Variants in RFX3 observed in about 807,000 individuals in gnomAD.
RFX3 encodes regulatory factor X3.
Under a neutral mutation model 98.6 loss-of-function variants are expected in RFX3, and 14 were observed. The ratio of observed to expected loss-of-function variants is 0.14; its 90% CI spans 0.09 to 0.22. The LOEUF is 0.22. RFX3 is among the 10% of genes least tolerant of loss of function. RFX3 has a pLI of 1.00. For synonymous variants in RFX3, 383 were observed against 328.4 expected (o/e 1.17, Z -1.80); for missense variants, 639 against 926.9 (o/e 0.69, Z 4.03).
chr9:3,509,712 G>A (rs1817473784), intron 1 of RFX3, among the ~76,000 whole-genome samples: 2 of 151,826 alleles, frequency 1.3e-5, no homozygotes, highest in African/African-American at 2.4e-5. Context: ...TATAAAACTT[G>A]CTTTTTCTAG....
At chr9:3,491,416 T>C (rs1016966788) in intron 1 of RFX3, among the ~76,000 whole-genome samples, 5 of 152,194 alleles carry the variant, frequency 3.3e-5, no homozygotes, top group Non-Finnish European at 7.4e-5. Context: ...CATGAGGCCT[T>C]ATATGTTATT....
intron 3 of RFX3, among the ~76,000 whole-genome samples, chr9:3,336,869 T>C (rs540851811): frequency 6.6e-6 from 1 of 152,312 alleles, no homozygotes; most frequent in South Asian, 2.1e-4. Context: ...AGAATCATTT[T>C]TAGAAATTTT....
At chr9:3,307,043 T>C (rs1188782171) in intron 4 of RFX3, among the ~76,000 whole-genome samples, 1 of 152,076 alleles carries the variant, frequency 6.6e-6, no homozygotes, top group Non-Finnish European at 1.5e-5. Context: ...TTTCATGGTT[T>C]TAAAAACGGG....
chr9:3,510,477 A>C (rs1256952631), intron 1 of RFX3, among the ~76,000 whole-genome samples: 1 of 152,060 alleles, frequency 6.6e-6, no homozygotes, highest in African/African-American at 2.4e-5. Context: ...AAAATGGCTG[A>C]TTTTTAAATT....
chr9:3,309,861 T>C (rs558720710), intron 4 of RFX3, among the ~76,000 whole-genome samples: 1 of 152,154 alleles, frequency 6.6e-6, no homozygotes, highest in African/African-American at 2.4e-5. Context: ...TGCTCTCAGG[T>C]TTAAGTGTTC....
At chr9:3,376,175 A>G (rs761170340) in intron 2 of RFX3, among the ~76,000 whole-genome samples, 15 of 152,164 alleles carry the variant, frequency 9.9e-5, no homozygotes, top group Non-Finnish European at 1.8e-4. Flanking sequence ...AATTAAAAAT[A>G]TTGGCAATAC....
At chr9:3,264,252 G>T (rs776743155) in intron 12 of RFX3, among the ~76,000 whole-genome samples, 53 of 152,082 alleles carry the variant, frequency 3.5e-4, no homozygotes, top group Non-Finnish European at 6.2e-4. Flanking sequence ...ATGGAAATTT[G>T]TTATGTGCAC....
chr9:3,394,527 T>A (rs1840657956), intron 2 of RFX3, among the ~76,000 whole-genome samples: 1 of 152,280 alleles, frequency 6.6e-6, no homozygotes, highest in Non-Finnish European at 1.5e-5. Flanking sequence ...TAAAAGCCAA[T>A]GACTTCTGTA....
intron 1 of RFX3, among the ~76,000 whole-genome samples, chr9:3,423,746 G>C (rs992788356): frequency 5.1e-5 from 7 of 138,130 alleles, no homozygotes; most frequent in African/African-American, 1.9e-4. Context: ...TTTTTTAAAA[G>C]GGTATATTTC....
At chr9:3,401,648 G>T (rs1564052604) in intron 1 of RFX3, among the ~76,000 whole-genome samples, 1 of 152,150 alleles carries the variant, frequency 6.6e-6, no homozygotes, top group African/African-American at 2.4e-5. Flanking sequence ...ATTCTTACAG[G>T]AGAGACATGC....
At chr9:3,476,985 G>C (rs1026013968) in intron 1 of RFX3, among the ~76,000 whole-genome samples, 1 of 152,130 alleles carries the variant, frequency 6.6e-6, no homozygotes, top group African/African-American at 2.4e-5. Context: ...ACCCTAGTGA[G>C]ATATTGTAAT....
intron 15 of RFX3, among the ~76,000 whole-genome samples, chr9:3,244,846 A>G (rs1382986261): frequency 6.6e-6 from 1 of 152,224 alleles, no homozygotes. Flanking sequence ...CTTGAAATCT[A>G]AGCTCCTCGA....
At chr9:3,522,702 T>C (rs1237506889) in intron 1 of RFX3, among the ~76,000 whole-genome samples, 2 of 152,090 alleles carry the variant, frequency 1.3e-5, no homozygotes, top group Non-Finnish European at 2.9e-5. Flanking sequence ...TGCTAATTTC[T>C]TCAGCTGGAG....
intron 2 of RFX3, among the ~76,000 whole-genome samples, chr9:3,359,050 G>C (rs1424244415): frequency 6.6e-6 from 1 of 151,602 alleles, no homozygotes; most frequent in African/African-American, 2.4e-5. Context: ...ATATCATCTG[G>C]TATGCATGGT....
intron 3 of RFX3, among the ~76,000 whole-genome samples, chr9:3,334,664 C>A (rs1464569856): frequency 6.6e-6 from 1 of 152,160 alleles, no homozygotes; most frequent in East Asian, 1.9e-4. Context: ...TAAACACACA[C>A]TGGGGTAAAG....
At position 3,430,312 on chromosome 9, in the gene RFX3, A is replaced by G. The variant is rs545313554; in HGVS notation, c.-8-34716T>C. Among the ~76,000 whole-genome samples, 41 of 152,296 alleles carry G rather than the reference A, an allele frequency of 2.7e-4. No homozygotes were observed. The East Asian group carries it at 7.7e-3, about 29-fold the overall frequency. The stretch of plus-strand genomic sequence containing the variant: ...CTCCTTAAATCTCTTTGATTGAGTA[A>G]ATTTTAATCAGCTTAATTAGAAAGC... On this transcript the variant is annotated intron_variant, in intron 1 of 16. Transcript: ENST00000617270.
Position 3,221,163 on chromosome 9 carries a change from G to C in RFX3, c.*3879C>G, listed in dbSNP as rs527472680. 6.6e-6 allele frequency: 1 copy of C among 152,036 alleles called. No homozygotes were observed. Among genetic ancestry groups the C allele is most frequent in the African/African-American group, 2.4e-5 (1 of 41,394 alleles). The allele number at this position is 152,036 out of a possible 1,614,324, so 9.4% of individuals were successfully genotyped here. The stretch of plus-strand genomic sequence containing the variant: ...CTTTCTACTTGTGTCCACACAGGGA[G>C]GACCAACATCACAGTGACACTATTT... On this transcript the variant is annotated 3_prime_UTR_variant, in exon 17 of 17. Transcript: ENST00000617270.
At chr9:3,434,729 C>G (rs568456219) in intron 1 of RFX3, among the ~76,000 whole-genome samples, 15 of 152,072 alleles carry the variant, frequency 9.9e-5, no homozygotes, top group Non-Finnish European at 2.2e-4. Context: ...CTAGCTCAGC[C>G]ATGGGTGTCT....
intron 4 of RFX3, among the ~76,000 whole-genome samples, chr9:3,316,994 TC>T (rs1333286778): frequency 3.9e-5 from 6 of 152,194 alleles, no homozygotes. Context: ...CTACTGACTT[TC>T]TTCACAGAAT....
Sources: gnomAD v4.1 joint callset for allele counts (sites outside exome capture counted in the v4.1 genomes callset) on GRCh38, gnomAD v4.1.1 for gene constraint, MANE v1.5 for transcripts, NCBI Gene and HGNC (gene_info 2026-07-23, HGNC 2026-07-21) for gene names.